MMRN2: variants seen among roughly 807,000 people sequenced by gnomAD.
The protein encoded by MMRN2 is multimerin 2.
Under a neutral mutation model 68.8 loss-of-function variants are expected in MMRN2, and 53 were observed. That is an observed-to-expected ratio of 0.77 (90% confidence interval 0.62 to 0.97). MMRN2 has a LOEUF of 0.97. Among genes scored for constraint, MMRN2 ranks in the 50% least tolerant of loss-of-function variants. MMRN2 has a pLI of 0.00. For missense variants in MMRN2, 1,266 were observed against 1,259.5 expected (o/e 1.01, Z -0.08); for synonymous variants, 564 against 551.6 (o/e 1.02, Z -0.32).
Position 86,936,411 on chromosome 10 carries a change from A to G in MMRN2, c.*332T>C. 1 of 469,692 alleles carries G rather than the reference A, an allele frequency of 2.1e-6. No homozygotes were observed. Among genetic ancestry groups the G allele is most frequent in the East Asian group, 3.0e-5 (1 of 32,824 alleles). The allele number at this position is 469,692 out of a possible 1,614,324, so 29.1% of individuals were successfully genotyped here. A position where few individuals can be genotyped will look rare whatever the true frequency, so the allele number is the denominator to read the frequency against. On this transcript the variant is annotated 3_prime_UTR_variant, in exon 7 of 7. Coordinates refer to ENST00000372027, the MANE Select transcript of MMRN2 (RefSeq NM_024756.3). The stretch of plus-strand genomic sequence containing the variant: ...GTGTTGTACAGAAGTTTCCAACCAC[A>G]GGAGGAGCAAAACACCAAAGAAGTT...
intron 1 of MMRN2, chr10:86,948,614 T>G (rs565969691): frequency 6.6e-6 from 1 of 151,910 alleles, no homozygotes; most frequent in South Asian, 2.1e-4. Context: ...AACATCCAAG[T>G]AGTACAAATT....
chr10:86,956,276 AC>A (rs1844226575), intron 1 of MMRN2, among the ~76,000 whole-genome samples: 1 of 151,698 alleles, frequency 6.6e-6, no homozygotes, highest in Non-Finnish European at 1.5e-5. Flanking sequence ...CGCCACTGCC[AC>A]CAGACCCTCA....
At chr10:86,939,115 T>C (rs1213355798) in intron 6 of MMRN2, among the ~76,000 whole-genome samples, 1 of 133,120 alleles carries the variant, frequency 7.5e-6, no homozygotes, top group African/African-American at 2.9e-5. Context: ...TGAGCCGAGA[T>C]CACGCCGTTG....
rs778934716 is a variant in MMRN2 at position 86,943,192 on chromosome 10, G to C, written c.1592C>G (p.Ser531Cys). ...SLDERRQLDG[S>C]SLQALQNAVD... Reference sequence around the variant, plus strand: ...GGCGTTCTGCAGGGCCTGCAGGGAGGAGCCGTCCAGCTGCCGCCGCTCGTC... The same window carrying C: ...GGCGTTCTGCAGGGCCTGCAGGGAGCAGCCGTCCAGCTGCCGCCGCTCGTC... Residue 531 changes from serine to cysteine, a missense_variant, in exon 6 of 7, where the codon TCC (serine) becomes TGC (cysteine). By Grantham distance (112) the Ser-to-Cys change is moderately radical. Coordinates refer to ENST00000372027, the MANE Select transcript of MMRN2 (RefSeq NM_024756.3). The surrounding 1 kb of genome is among the most constrained non-coding windows in gnomAD (Gnocchi z 4.2). The C allele has an allele frequency of 6.2e-7, 1 of 1,608,954 alleles. No individual in the cohort carries two copies. The highest frequency in any genetic ancestry group is 8.5e-7 in the Non-Finnish European group (1 of 1,177,496).
intron 1 of MMRN2, among the ~76,000 whole-genome samples, chr10:86,954,448 A>C (rs1168628583): frequency 1.3e-5 from 2 of 152,228 alleles, no homozygotes; most frequent in Non-Finnish European, 2.9e-5. Context: ...TGCGGCACAC[A>C]GATCAGAGCT....
In MMRN2 at chr10:86,936,758, C is replaced by A; in HGVS notation, c.2835G>T (p.Leu945=). 1 of 1,614,100 alleles carries A rather than the reference C, an allele frequency of 6.2e-7. No individual in the cohort carries two copies. The highest frequency in any genetic ancestry group is 1.7e-5 in the Admixed American group (1 of 60,024). Residue 945 remains leucine (L), a synonymous_variant, in exon 7 of 7, where the codon CTG becomes CTT. Coordinates refer to ENST00000372027, the MANE Select transcript of MMRN2 (RefSeq NM_024756.3). Reference sequence around the variant, plus strand: ...GGGCTGGGGTTCAGGTCTTAAACATCAGGAAGCCCCCAAATGCAGTGCCCG... The same window carrying A: ...GGGCTGGGGTTCAGGTCTTAAACATAAGGAAGCCCCCAAATGCAGTGCCCG... ...SLSGTAFGGF[L]MFKT
intron 4 of MMRN2, chr10:86,944,665 C>T (rs998441073): frequency 3.7e-6 from 2 of 544,292 alleles, no homozygotes; most frequent in Non-Finnish European, 6.4e-6. Flanking sequence ...TGGTACACTC[C>T]CCTCCTCAGC....
At chr10:86,942,209 A>G (rs1843981233) in intron 6 of MMRN2, 108 bp downstream of exon 6, 2 of 1,329,988 alleles carry the variant, frequency 1.5e-6, no homozygotes, top group Non-Finnish European at 2.0e-6. Context: ...GGGGTGACGG[A>G]TGGCCATCCT....
intron 1 of MMRN2, among the ~76,000 whole-genome samples, chr10:86,956,306 C>T (rs1474332665): frequency 1.3e-5 from 2 of 152,224 alleles, no homozygotes; most frequent in African/African-American, 4.8e-5. Context: ...CCTCTTGCCC[C>T]TCCCTGGTCA....
chr10:86,945,743 G>A (rs899223901), intron 1 of MMRN2, 54 bp from the exon 2 acceptor site: 2 of 1,611,834 alleles, frequency 1.2e-6, no homozygotes, highest in Non-Finnish European at 8.5e-7. Flanking sequence ...GTCAACAGGG[G>A]GTGCCAGTGC....
In MMRN2 at chr10:86,956,469, C is replaced by A. The variant is rs1036836701; in HGVS notation, c.164+909G>T. Among the ~76,000 whole-genome samples, 114 of 152,328 alleles carry A rather than the reference C, an allele frequency of 7.5e-4. 1 individual carries two copies. The highest frequency in any genetic ancestry group is 2.5e-3 in the African/African-American group (105 of 41,576). On this transcript the variant is annotated intron_variant, in intron 1 of 6. Coordinates refer to ENST00000372027, the MANE Select transcript of MMRN2 (RefSeq NM_024756.3). ...CACTCCCTAAATCCATGTAGATGCCCTTAGCCAAACAGGTCTGGTGTGTGG... is the reference window on the plus strand; with the variant it reads ...CACTCCCTAAATCCATGTAGATGCCATTAGCCAAACAGGTCTGGTGTGTGG...
At position 86,957,386 on chromosome 10, in the gene MMRN2, G is replaced by C. The variant is rs150005124; in HGVS notation, c.156C>G (p.Pro52=). Residue 52 remains proline (P), a synonymous_variant, in exon 1 of 7, where the codon CCC becomes CCG. Coordinates refer to ENST00000372027, the MANE Select transcript of MMRN2 (RefSeq NM_024756.3). ...GGTCCAGGCCCTCTTACCGTCCTAC[G>C]GGGTCCTTGCCGGTGTCCTCAGCCT... The part of the protein sequence containing the change: ...KAEAEDTGKD[P]VGRNWCPYPM... 586 of 1,613,096 alleles carry C rather than the reference G, an allele frequency of 3.6e-4. 1 individual carries two copies. The African/African-American group carries it at 5.7e-3, about 16-fold the overall frequency.
Position 86,936,636 on chromosome 10 carries a change from G to C in MMRN2, c.*107C>G. ...ACACCATCTTTGCAGAAGGTTTCCAGGGAAGAGACAGACCAACTGAATGAC... is the reference window on the plus strand; with the variant it reads ...ACACCATCTTTGCAGAAGGTTTCCACGGAAGAGACAGACCAACTGAATGAC... On this transcript the variant is annotated 3_prime_UTR_variant, in exon 7 of 7. Transcript: ENST00000372027. The C allele has an allele frequency of 7.1e-7, 1 of 1,398,984 alleles. No homozygotes were observed. Among genetic ancestry groups the C allele is most frequent in the Non-Finnish European group, 9.8e-7 (1 of 1,019,622 alleles). The allele number at this position is 1,398,984 out of a possible 1,614,324, so 86.7% of individuals were successfully genotyped here.
intron 6 of MMRN2, among the ~76,000 whole-genome samples, chr10:86,938,680 A>T (rs991462875): frequency 2.0e-5 from 3 of 152,078 alleles, no homozygotes; most frequent in African/African-American, 7.3e-5. Context: ...TTCTTAGGTG[A>T]TAAAACCAAA....
chr10:86,949,542 A>C (rs1004109767), intron 1 of MMRN2: 1 of 151,108 alleles, frequency 6.6e-6, no homozygotes, highest in Non-Finnish European at 1.5e-5. Flanking sequence ...AAAAAAAAAA[A>C]GACACCCAAA....
chr10:86,952,332 T>A (rs1254865915), intron 1 of MMRN2, among the ~76,000 whole-genome samples: 1 of 152,162 alleles, frequency 6.6e-6, no homozygotes, highest in African/African-American at 2.4e-5. Context: ...GAGCCACAGG[T>A]GTCATGCTTG....
intron 4 of MMRN2, 177 bp from the exon 5 acceptor site, chr10:86,944,612 C>T: frequency 1.6e-6 from 1 of 618,198 alleles, no homozygotes; most frequent in South Asian, 2.1e-5. Context: ...AGTGAGCCCT[C>T]ACCCTGCCTC....
At chr10:86,939,677 C>CCA (rs1554893249) in intron 6 of MMRN2, among the ~76,000 whole-genome samples, 2 of 151,552 alleles carry the variant, frequency 1.3e-5, no homozygotes, top group African/African-American at 2.4e-5. Flanking sequence ...AGACCCCCAC[C>CCA]CCAACCCAGC....
intron 1 of MMRN2, among the ~76,000 whole-genome samples, chr10:86,946,586 C>CGG: frequency 6.6e-6 from 1 of 152,278 alleles, no homozygotes; most frequent in Non-Finnish European, 1.5e-5. Context: ...GTCCCAGGAG[C>CGG]GGGGGGACAC....
Sources: allele counts gnomAD v4.1 joint callset (sites outside exome capture counted in the v4.1 genomes callset), GRCh38; gene constraint gnomAD v4.1.1; non-coding constraint Gnocchi (gnomAD v3.1); transcripts MANE v1.5; gene names NCBI Gene and HGNC (gene_info 2026-07-23, HGNC 2026-07-21).